AHCYL2: variants seen among roughly 807,000 people sequenced by gnomAD.
The protein encoded by AHCYL2 is adenosylhomocysteinase like 2, also known as S-adenosylhomocysteine hydrolase-like protein 2.
A neutral mutation model predicts 81.4 loss-of-function variants in AHCYL2; 28 were observed. The observed-to-expected ratio is 0.34, with a 90% CI of 0.25 to 0.47. The LOEUF (loss-of-function observed/expected upper bound fraction) is 0.47, where lower values mean the gene tolerates loss of function less well. Among genes scored for constraint, AHCYL2 ranks in the 20% least tolerant of loss-of-function variants. The pLI, the probability that AHCYL2 is intolerant of heterozygous loss-of-function variation, is 1.00. For synonymous variants in AHCYL2, 272 were observed against 290.2 expected (o/e 0.94, Z 0.64); for missense variants, 551 against 785.1 (o/e 0.70, Z 3.56).
At chr7:129,356,328 A>C (rs942161238) in intron 1 of AHCYL2, among the ~76,000 whole-genome samples, 1 of 152,182 alleles carries the variant, frequency 6.6e-6, no homozygotes, top group Non-Finnish European at 1.5e-5. Flanking sequence ...TTACTGCCCT[A>C]CTTAGAAACT....
intron 1 of AHCYL2, among the ~76,000 whole-genome samples, chr7:129,267,140 T>A (rs886927929): frequency 6.6e-6 from 1 of 151,914 alleles, no homozygotes; most frequent in Non-Finnish European, 1.5e-5. Context: ...ATCACACAAA[T>A]AGAAAATCTG....
At chr7:129,337,116 C>G (rs1798629149) in intron 1 of AHCYL2, among the ~76,000 whole-genome samples, 1 of 152,106 alleles carries the variant, frequency 6.6e-6, no homozygotes, top group African/African-American at 2.4e-5. Context: ...TCAAAATGTT[C>G]AAAAGGATAG....
intron 1 of AHCYL2, among the ~76,000 whole-genome samples, chr7:129,233,789 T>C (rs533692018): frequency 7.3e-4 from 111 of 152,330 alleles, no homozygotes; most frequent in Non-Finnish European, 1.2e-3. Context: ...CCAGCTCTTA[T>C]TTCTAATCTC....
At chr7:129,420,654 C>CTT (rs1331420934) in intron 12 of AHCYL2, among the ~76,000 whole-genome samples, 4 of 143,102 alleles carry the variant, frequency 2.8e-5, no homozygotes, top group Non-Finnish European at 4.6e-5. Flanking sequence ...TAATTCTGTT[C>CTT]TTTTTTTTTT....
intron 1 of AHCYL2, among the ~76,000 whole-genome samples, chr7:129,253,857 C>T (rs1030785014): frequency 6.6e-6 from 1 of 152,134 alleles, no homozygotes; most frequent in Non-Finnish European, 1.5e-5. Context: ...ATGTTTCATG[C>T]ATTTTCAAAG....
chr7:129,273,789 C>G (rs2566883), intron 1 of AHCYL2, among the ~76,000 whole-genome samples: 1 of 151,968 alleles, frequency 6.6e-6, no homozygotes, highest in Non-Finnish European at 1.5e-5. Flanking sequence ...ATAAGACTTG[C>G]GATAGAAAAG....
intron 1 of AHCYL2, among the ~76,000 whole-genome samples, chr7:129,236,690 T>C (rs921172691): frequency 2.0e-5 from 3 of 152,212 alleles, no homozygotes; most frequent in Non-Finnish European, 4.4e-5. Context: ...ATTTTACATA[T>C]CAGCTAACGA....
chr7:129,233,884 T>G (rs1197645804), intron 1 of AHCYL2, among the ~76,000 whole-genome samples: 1 of 152,142 alleles, frequency 6.6e-6, no homozygotes, highest in Non-Finnish European at 1.5e-5. Flanking sequence ...TCCTTCATTC[T>G]TTTACCTCCC....
chr7:129,227,371 A>G (rs1368635907), intron 1 of AHCYL2, among the ~76,000 whole-genome samples: 1 of 151,168 alleles, frequency 6.6e-6, no homozygotes, highest in African/African-American at 2.4e-5. Context: ...CTGTAATCCC[A>G]GCACTTTGGG....
In AHCYL2 at chr7:129,378,408, A is replaced by G. The variant is rs532311862; in HGVS notation, c.364-1230A>G. Among the ~76,000 whole-genome samples, 49 of 152,328 alleles carry G rather than the reference A, an allele frequency of 3.2e-4. No homozygotes were observed. In the South Asian group the frequency reaches 9.7e-3, roughly 30 times the overall value. On this transcript the variant is annotated intron_variant, in intron 1 of 16. Coordinates refer to ENST00000325006, the MANE Select transcript of AHCYL2 (RefSeq NM_015328.4). ...AGAGTGGCTACCTGCAAGAGTTACG[A>G]GAGCATTGAACCGTAGGGGTTGGGT... is the stretch of plus-strand genomic sequence containing the variant.
At chr7:129,383,814 T>C (rs920151443) in intron 2 of AHCYL2, among the ~76,000 whole-genome samples, 1 of 152,196 alleles carries the variant, frequency 6.6e-6, no homozygotes, top group Non-Finnish European at 1.5e-5. Context: ...TGGAATGCTC[T>C]TTTTCCAGAT....
intron 6 of AHCYL2, among the ~76,000 whole-genome samples, chr7:129,403,155 C>T (rs755218460): frequency 6.6e-6 from 1 of 151,984 alleles, no homozygotes; most frequent in Non-Finnish European, 1.5e-5. Flanking sequence ...TTTGGCTGCG[C>T]GAATTACAAT....
intron 1 of AHCYL2, among the ~76,000 whole-genome samples, chr7:129,338,059 CA>C (rs1408828942): frequency 2.0e-5 from 3 of 151,856 alleles, no homozygotes; most frequent in African/African-American, 7.3e-5. Context: ...TTCTTTACAA[CA>C]AAAATGCTTT....
intron 1 of AHCYL2, among the ~76,000 whole-genome samples, chr7:129,355,168 A>G (rs768242128): frequency 3.3e-5 from 5 of 152,168 alleles, no homozygotes; most frequent in African/African-American, 4.8e-5. Context: ...CTCATACTGT[A>G]AACACGTGTC....
chr7:129,263,574 T>C (rs931583230), intron 1 of AHCYL2, among the ~76,000 whole-genome samples: 1 of 152,220 alleles, frequency 6.6e-6, no homozygotes, highest in Admixed American at 6.5e-5. Flanking sequence ...TAAAGCTAGT[T>C]GTAGGCAGAG....
chr7:129,290,631 T>G (rs1043497491), intron 1 of AHCYL2, among the ~76,000 whole-genome samples: 1 of 151,752 alleles, frequency 6.6e-6, no homozygotes, highest in African/African-American at 2.4e-5. Context: ...AAAAACATGT[T>G]TTTTAAAAAG....
intron 1 of AHCYL2, among the ~76,000 whole-genome samples, chr7:129,292,416 GC>G (rs1796898358): frequency 6.6e-6 from 1 of 152,160 alleles, no homozygotes; most frequent in Non-Finnish European, 1.5e-5. Flanking sequence ...GCTGACTAGG[GC>G]TATATATCAT....
At chr7:129,287,215 A>G (rs1796668019) in intron 1 of AHCYL2, among the ~76,000 whole-genome samples, 1 of 152,200 alleles carries the variant, frequency 6.6e-6, no homozygotes, top group African/African-American at 2.4e-5. Context: ...AAAAAGAACA[A>G]ATATAATCTT....
chr7:129,296,901 G>A (rs1797066956), intron 1 of AHCYL2, among the ~76,000 whole-genome samples: 1 of 152,132 alleles, frequency 6.6e-6, no homozygotes. Context: ...ATACTCAAAT[G>A]GTTTCTGAAA....
Sources: gnomAD v4.1 joint callset for allele counts (sites outside exome capture counted in the v4.1 genomes callset) on GRCh38, gnomAD v4.1.1 for gene constraint, MANE v1.5 for transcripts, NCBI Gene and HGNC (gene_info 2026-07-23, HGNC 2026-07-21) for gene names.